STX8: variants seen among roughly 807,000 people sequenced by gnomAD.
STX8 encodes the protein syntaxin-8.
In STX8, 23 loss-of-function variants were observed where a neutral mutation model predicts 37.5. The observed-to-expected ratio is 0.61, with a 90% CI of 0.44 to 0.87. The LOEUF (loss-of-function observed/expected upper bound fraction) is 0.87, where lower values mean the gene tolerates loss of function less well. Ranked by LOEUF, STX8 falls within the 40% of genes least tolerant of loss-of-function variation. The pLI is 0.00. For synonymous variants in STX8, 115 were observed against 99.1 expected (o/e 1.16, Z -0.95); for missense variants, 313 against 284.7 (o/e 1.10, Z -0.71).
intron 6 of STX8, among the ~76,000 whole-genome samples, chr17:9,488,954 G>A (rs1303585841): frequency 1.3e-5 from 2 of 152,034 alleles, no homozygotes; most frequent in Non-Finnish European, 2.9e-5. Context: ...TCAGCTCACT[G>A]CAACCCCTGC....
At chr17:9,440,300 A>G (rs1904595603) in intron 6 of STX8, among the ~76,000 whole-genome samples, 1 of 152,094 alleles carries the variant, frequency 6.6e-6, no homozygotes, top group African/African-American at 2.4e-5. Flanking sequence ...AAGGCTGGGA[A>G]TCCTCTCTGA....
intron 7 of STX8, among the ~76,000 whole-genome samples, chr17:9,330,564 TCAC>T (rs1909928782): frequency 6.6e-6 from 1 of 152,240 alleles, no homozygotes; most frequent in Non-Finnish European, 1.5e-5. Context: ...TTGTTGATGA[TCAC>T]CATTTTCTAA....
At chr17:9,538,127 T>C (rs1418482046) in intron 4 of STX8, among the ~76,000 whole-genome samples, 3 of 152,182 alleles carry the variant, frequency 2.0e-5, no homozygotes, top group Admixed American at 2.0e-4. Flanking sequence ...TGACTGTACT[T>C]AGTAACTCCT....
intron 6 of STX8, among the ~76,000 whole-genome samples, chr17:9,436,569 C>G (rs926730511): frequency 1.2e-4 from 18 of 152,118 alleles, no homozygotes; most frequent in Non-Finnish European, 1.5e-5. Flanking sequence ...ATCACAGACA[C>G]TTTGACCTAC....
chr17:9,488,660 C>T (rs901693105), intron 6 of STX8, among the ~76,000 whole-genome samples: 2 of 152,136 alleles, frequency 1.3e-5, no homozygotes, highest in African/African-American at 4.8e-5. Flanking sequence ...AGCTGGACCT[C>T]TCAAAGCTGG....
chr17:9,498,389 C>CAA lies in STX8; in HGVS notation c.449-6470_449-6469dup, dbSNP rs796262688. Among the ~76,000 whole-genome samples, 346 of 88,762 alleles carry CAA rather than the reference C, an allele frequency of 3.9e-3. 3 individuals are homozygous for CAA. The highest frequency in any genetic ancestry group is 0.013 in the African/African-American group (326 of 25,222). The allele number at this position is 88,762 out of a possible 152,430, so 58.2% of individuals were successfully genotyped here. A position where few individuals can be genotyped will look rare whatever the true frequency, so the allele number is the denominator to read the frequency against. On this transcript the variant is annotated intron_variant, in intron 5 of 7. Transcript: ENST00000306357. ...TGGGTGACAGAGTGAGACACCATCTCAAAAAAAAAAAACAAAAGAAAAGAA... is the reference window on the plus strand; with the variant it reads ...TGGGTGACAGAGTGAGACACCATCTCAAAAAAAAAAAAAACAAAAGAAAAGAA...
intron 2 of STX8, among the ~76,000 whole-genome samples, chr17:9,561,553 G>C (rs1907230730): frequency 6.6e-6 from 1 of 151,430 alleles, no homozygotes; most frequent in African/African-American, 2.4e-5. Flanking sequence ...CAGCTACTTG[G>C]GACGCTGTGG....
At chr17:9,484,401 AAGTC>A (rs986401331) in intron 6 of STX8, among the ~76,000 whole-genome samples, 19 of 151,918 alleles carry the variant, frequency 1.3e-4, no homozygotes, top group African/African-American at 4.3e-4. Context: ...AAAAAAAAAA[AAGTC>A]AGCAGTAGCT....
chr17:9,569,153 T>C (rs977018595), intron 1 of STX8, among the ~76,000 whole-genome samples: 1 of 152,158 alleles, frequency 6.6e-6, no homozygotes, highest in Non-Finnish European at 1.5e-5. Flanking sequence ...TGAGAAAGCA[T>C]GTGGGGGGTC....
At chr17:9,402,191 C>T (rs1044950609) in intron 6 of STX8, among the ~76,000 whole-genome samples, 2 of 152,114 alleles carry the variant, frequency 1.3e-5, no homozygotes, top group Non-Finnish European at 2.9e-5. Flanking sequence ...ACGATCTCGG[C>T]TCACTGCAAC....
intron 6 of STX8, among the ~76,000 whole-genome samples, chr17:9,487,752 T>C (rs1271367719): frequency 6.6e-6 from 1 of 151,970 alleles, no homozygotes; most frequent in East Asian, 1.9e-4. Flanking sequence ...GCAAAAGGGA[T>C]AGGGGCAAAA....
chr17:9,466,263 GC>G (rs1399966436), intron 6 of STX8, among the ~76,000 whole-genome samples: 1 of 152,158 alleles, frequency 6.6e-6, no homozygotes. Context: ...GAGCCATCAC[GC>G]CCAGCTATTT....
intron 6 of STX8, among the ~76,000 whole-genome samples, chr17:9,392,227 T>G (rs1260099079): frequency 6.6e-6 from 1 of 152,162 alleles, no homozygotes; most frequent in African/African-American, 2.4e-5. Flanking sequence ...TTGCAGCATA[T>G]GAACATCCGG....
chr17:9,545,384 G>A, intron 3 of STX8, 102 bp from the exon 4 acceptor site: 1 of 833,950 alleles, frequency 1.2e-6, no homozygotes, highest in South Asian at 1.6e-5. Flanking sequence ...TTTACAGACT[G>A]TAATCACTAC....
intron 4 of STX8, among the ~76,000 whole-genome samples, chr17:9,518,206 C>T (rs1218249567): frequency 1.3e-5 from 2 of 152,120 alleles, no homozygotes; most frequent in African/African-American, 2.4e-5. Context: ...CCGTTCACTC[C>T]TCAACCCACT....
At chr17:9,493,221 C>T (rs34668076) in intron 5 of STX8, among the ~76,000 whole-genome samples, 5,296 of 152,208 alleles carry the variant, frequency 0.035, 126 homozygotes, top group Non-Finnish European at 0.056. Context: ...GCCATGATCA[C>T]GCCACTGCAC....
chr17:9,483,295 C>G (rs756728317), intron 6 of STX8, among the ~76,000 whole-genome samples: 3 of 152,128 alleles, frequency 2.0e-5, no homozygotes, highest in Non-Finnish European at 2.9e-5. Flanking sequence ...TCAGAGTCAG[C>G]AGCGTAGCAT....
chr17:9,275,903 G>T (rs972620689), intron 7 of STX8, among the ~76,000 whole-genome samples: 5 of 151,716 alleles, frequency 3.3e-5, no homozygotes, highest in Admixed American at 3.3e-4. Flanking sequence ...AAAGGGCGGG[G>T]GATAACAGTA....
intron 4 of STX8, among the ~76,000 whole-genome samples, chr17:9,539,808 T>C (rs967229808): frequency 6.6e-5 from 10 of 152,168 alleles, no homozygotes; most frequent in South Asian, 2.1e-4. Context: ...CTGCAAGTCA[T>C]TGGAGATACT....
Sources: allele counts gnomAD v4.1 joint callset (sites outside exome capture counted in the v4.1 genomes callset), GRCh38; gene constraint gnomAD v4.1.1; transcripts MANE v1.5; gene names NCBI Gene and HGNC (gene_info 2026-07-23, HGNC 2026-07-21).